NOL7: variants seen among roughly 807,000 people sequenced by gnomAD.
NOL7 encodes the protein U3 small nucleolar RNA-associated protein NOL7.
A neutral mutation model predicts 38.4 loss-of-function variants in NOL7; 36 were observed. The observed-to-expected ratio is 0.94, with a 90% CI of 0.72 to 1.24. The LOEUF is 1.24. Ranked by LOEUF, NOL7 falls within the 50% of genes most tolerant of loss-of-function variation. The probability of loss-of-function intolerance (pLI) is 0.00; values close to 1 mark genes in which losing one functional copy is unlikely to be tolerated. For synonymous variants in NOL7, 142 were observed against 126.5 expected, an observed-to-expected ratio of 1.12 and a Z score of -0.82; for missense variants, 350 against 315.1, an observed-to-expected ratio of 1.11 and a Z score of -0.84.
downstream of NOL7, among the ~76,000 whole-genome samples, chr6:13,622,709 ACT>A (rs534886382): frequency 1.3e-5 from 2 of 152,292 alleles, no homozygotes; most frequent in South Asian, 2.1e-4. Flanking sequence ...TATAAGATAA[ACT>A]CTGGCAGAAT....
chr6:13,630,177 G>T (rs1366734546), intron 8 of NOL7, among the ~76,000 whole-genome samples: 1 of 152,114 alleles, frequency 6.6e-6, no homozygotes, highest in Non-Finnish European at 1.5e-5. Flanking sequence ...ATCAAGATAA[G>T]TTTGGGAAAT....
intron 8 of NOL7, among the ~76,000 whole-genome samples, chr6:13,629,655 C>T (rs1764719260): frequency 6.6e-6 from 1 of 152,116 alleles, no homozygotes; most frequent in Non-Finnish European, 1.5e-5. Context: ...ACTGGACTTT[C>T]CACAGTCCCT....
chr6:13,618,308 C>T (rs13218921), intron 5 of NOL7, 169 bp downstream of exon 5: 42,068 of 207,770 alleles, frequency 0.2, 4,904 homozygotes, highest in Middle Eastern at 0.26. Context: ...ACTGCAGTGG[C>T]GCAATCTCGG....
intron 5 of NOL7, among the ~76,000 whole-genome samples, chr6:13,618,956 C>T (rs564449256): frequency 6.6e-6 from 1 of 152,286 alleles, no homozygotes; most frequent in South Asian, 2.1e-4. Context: ...GCAGGTCCTG[C>T]AGGTTAAGTT....
intron 5 of NOL7, among the ~76,000 whole-genome samples, chr6:13,619,586 C>CAATT (rs1764380392): frequency 6.6e-6 from 1 of 152,230 alleles, no homozygotes; most frequent in Non-Finnish European, 1.5e-5. Context: ...ATCATGCTGT[C>CAATT]AATTCTCTTT....
chr6:13,623,575 C>T (rs1017230874), downstream of NOL7, among the ~76,000 whole-genome samples: 7 of 152,094 alleles, frequency 4.6e-5, no homozygotes, highest in Admixed American at 1.3e-4. Flanking sequence ...CAGGGAAGAC[C>T]GTGCTCAAAG....
Position 13,618,081 on chromosome 6 carries a change from G to T in NOL7, c.442G>T (p.Asp148Tyr). The change falls in exon 5 of 8, where the codon GAC (aspartate) becomes TAC (tyrosine). Residue 148 changes from aspartate to tyrosine, a missense_variant. Asp to Tyr is a radical substitution (Grantham distance 160). Coordinates refer to ENST00000451315, the MANE Select transcript of NOL7 (RefSeq NM_016167.5). ...AGTTAATTTGCAAAAGAAAAATGAA[G>T]ACTGTGAAAAAGGAAATGACTCCAA... is the stretch of plus-strand genomic sequence containing the variant. Reference protein sequence around the residue: ...KEVNLQKKNEDCEKGNDSKKV... With the variant: ...KEVNLQKKNEYCEKGNDSKKV... The T allele has an allele frequency of 6.4e-7, 1 of 1,567,034 alleles. No homozygotes were observed. Among genetic ancestry groups the T allele is most frequent in the Non-Finnish European group, 8.8e-7 (1 of 1,140,342 alleles).
At chr6:13,631,148 T>G (rs963864345) in intron 8 of NOL7, among the ~76,000 whole-genome samples, 2 of 152,198 alleles carry the variant, frequency 1.3e-5, no homozygotes, top group Non-Finnish European at 2.9e-5. Context: ...AATTATCAAT[T>G]ATTTTTTATC....
At chr6:13,625,597 T>G (rs1584905960), downstream of NOL7, 2 of 1,274,082 alleles carry the variant, frequency 1.6e-6, no homozygotes, top group East Asian at 4.7e-5. Context: ...ACAAACACCC[T>G]CTCTTAAATT....
intron 8 of NOL7, among the ~76,000 whole-genome samples, chr6:13,630,735 C>A (rs762595882): frequency 6.6e-6 from 1 of 152,106 alleles, no homozygotes; most frequent in Non-Finnish European, 1.5e-5. Context: ...GATACCACAA[C>A]AGACTAAAGG....
chr6:13,627,004 C>T (rs753650381), intron 8 of NOL7, among the ~76,000 whole-genome samples: 5 of 152,204 alleles, frequency 3.3e-5, no homozygotes, highest in East Asian at 1.9e-4. Context: ...CGTGCCTCTA[C>T]GCAAACACAC....
chr6:13,621,051 C>CT lies in NOL7; in HGVS notation c.*224_*225insT. 3.3e-6 allele frequency: 1 copy of CT among 298,696 alleles called. No homozygotes were observed. Among genetic ancestry groups the CT allele is most frequent in the Non-Finnish European group, 6.3e-6 (1 of 158,662 alleles). The allele number at this position is 298,696 out of a possible 1,614,324, so 18.5% of individuals were successfully genotyped here. On this transcript the variant is annotated 3_prime_UTR_variant, in exon 8 of 8. Coordinates refer to ENST00000451315, the MANE Select transcript of NOL7 (RefSeq NM_016167.5). ...TTAATATATTTAACTGAATTCAAGCCATACCCACATCAGCAACAGCACCTC... is the reference window on the plus strand; with the variant it reads ...TTAATATATTTAACTGAATTCAAGCCTATACCCACATCAGCAACAGCACCTC...
intron 8 of NOL7, among the ~76,000 whole-genome samples, chr6:13,629,920 T>TG (rs1562296302): frequency 7.8e-4 from 64 of 82,234 alleles, no homozygotes; most frequent in African/African-American, 2.5e-3. Context: ...TCTCTCTCTC[T>TG]CGTGTGTGTG....
At chr6:13,620,605 T>G in intron 7 of NOL7, 120 bp downstream of exon 7, 1 of 1,121,812 alleles carries the variant, frequency 8.9e-7, no homozygotes, top group South Asian at 1.4e-5. Flanking sequence ...ATTAAGTTAC[T>G]TGTGAAAAAC....
At chr6:13,627,272 T>C (rs2127759003) in intron 8 of NOL7, among the ~76,000 whole-genome samples, 1 of 152,166 alleles carries the variant, frequency 6.6e-6, no homozygotes, top group Non-Finnish European at 1.5e-5. Flanking sequence ...CAACCCACAC[T>C]TCCCAACCCA....
chr6:13,622,733 AGTATCAG>A (rs1764486435), downstream of NOL7, among the ~76,000 whole-genome samples: 1 of 152,234 alleles, frequency 6.6e-6, no homozygotes, highest in African/African-American at 2.4e-5. Context: ...AGACTTTTAA[AGTATCAG>A]ATACTAAAAT....
intron 3 of NOL7, 84 bp from the exon 4 acceptor site, chr6:13,617,686 T>C: frequency 7.4e-7 from 1 of 1,347,320 alleles, no homozygotes; most frequent in Non-Finnish European, 1.1e-6. Context: ...GGTGTCTTAC[T>C]TGTAAAGGCA....
downstream of NOL7, chr6:13,622,004 C>T: frequency 6.3e-6 from 1 of 158,392 alleles, no homozygotes; most frequent in Non-Finnish European, 1.4e-5. Context: ...CATGCTAACA[C>T]AAACACAACT....
At position 13,615,693 on chromosome 6, in the gene NOL7, T is replaced by G. The variant is rs1764260472; in HGVS notation, c.267-19T>G. On this transcript the variant is annotated intron_variant, in intron 1 of 7. Coordinates refer to ENST00000451315, the MANE Select transcript of NOL7 (RefSeq NM_016167.5). ...CCCGCTTGTCCTTCCCTTTGCTGAC[T>G]TATCACCCTTCCTCCCAGGGATAAA... 1 of 1,614,158 alleles carries G rather than the reference T, an allele frequency of 6.2e-7. No individual in the cohort carries two copies. Among genetic ancestry groups the G allele is most frequent in the Non-Finnish European group, 8.5e-7 (1 of 1,180,006 alleles).
Sources: allele counts gnomAD v4.1 joint callset (sites outside exome capture counted in the v4.1 genomes callset), GRCh38; gene constraint gnomAD v4.1.1; transcripts MANE v1.5; gene names NCBI Gene and HGNC (gene_info 2026-07-23, HGNC 2026-07-21).